MRC1: variants seen among roughly 807,000 people sequenced by gnomAD.
MRC1 encodes the protein macrophage mannose receptor 1.
A neutral mutation model predicts 102.9 loss-of-function variants in MRC1; 62 were observed. That is an observed-to-expected ratio of 0.60 (90% CI 0.49 to 0.74). MRC1 has a LOEUF of 0.74. Ranked by LOEUF, MRC1 falls within the 30% of genes least tolerant of loss-of-function variation. MRC1 has a pLI of 0.00. For missense variants in MRC1, 1,237 were observed against 862.8 expected, an observed-to-expected ratio of 1.43 and a Z score of -5.43; for synonymous variants, 457 against 298.4, an observed-to-expected ratio of 1.53 and a Z score of -5.48.
intron 25 of MRC1, among the ~76,000 whole-genome samples, chr10:17,901,575 G>A (rs994536069): frequency 6.6e-6 from 1 of 152,056 alleles, no homozygotes; most frequent in Non-Finnish European, 1.5e-5. Context: ...TGTAATCCCA[G>A]CTACTCGGGA....
chr10:17,894,141 A>G (rs1589194266), intron 22 of MRC1, 69 bp from the exon 23 acceptor site: 3 of 853,412 alleles, frequency 3.5e-6, no homozygotes, highest in Non-Finnish European at 6.2e-6. Flanking sequence ...TTTTTTGCTT[A>G]TTAATGAATT....
At chr10:17,867,399 T>TGC in intron 12 of MRC1, among the ~76,000 whole-genome samples, 1 of 128,764 alleles carries the variant, frequency 7.8e-6, no homozygotes. Context: ...CTTCTTCTCC[T>TGC]TCTTCTTCTT....
Position 17,856,278 on chromosome 10 carries a change from C to A in MRC1, c.1444C>A (p.Leu482Ile), listed in dbSNP as rs1554840893. The A allele has an allele frequency of 1.2e-6, 1 of 866,914 alleles. No individual in the cohort carries two copies. Among genetic ancestry groups the A allele is most frequent in the Non-Finnish European group, 2.0e-6 (1 of 499,392 alleles). 53.7% of individuals were successfully genotyped at this position (866,914 alleles called of 1,614,324 possible). A position where few individuals can be genotyped will look rare whatever the true frequency, so the allele number is the denominator to read the frequency against. Residue 482 changes from leucine (L) to isoleucine (I), a missense_variant, in exon 9 of 30, where the codon CTT becomes ATT. Transcript: ENST00000569591. ...YWADRGCEWP[L>I]GYICKMKSRS... ...GGCAGATCGGGGCTGTGAGTGGCCTCTTGGCTACATCTGCAAGATGAAATC... is the reference window on the plus strand; with the variant it reads ...GGCAGATCGGGGCTGTGAGTGGCCTATTGGCTACATCTGCAAGATGAAATC...
chr10:17,822,881 C>G (rs962722116), intron 1 of MRC1, among the ~76,000 whole-genome samples, 193 bp from the exon 2 acceptor site: 2 of 152,156 alleles, frequency 1.3e-5, no homozygotes, highest in Non-Finnish European at 2.9e-5. Flanking sequence ...TCCAGGTTCT[C>G]CTTCCAGCTT....
chr10:17,815,513 C>T (rs1838297095), intron 1 of MRC1, among the ~76,000 whole-genome samples: 1 of 151,980 alleles, frequency 6.6e-6, no homozygotes, highest in Admixed American at 6.6e-5. Flanking sequence ...GGTTCACAGT[C>T]CAGGACACAG....
intron 22 of MRC1, among the ~76,000 whole-genome samples, chr10:17,892,709 C>T (rs1223051850): frequency 6.6e-6 from 1 of 152,004 alleles, no homozygotes; most frequent in African/African-American, 2.4e-5. Context: ...TTGATATAGT[C>T]ACCATAAATA....
At chr10:17,861,980 A>G (rs1164628223) in intron 10 of MRC1, among the ~76,000 whole-genome samples, 2 of 152,200 alleles carry the variant, frequency 1.3e-5, no homozygotes, top group Non-Finnish European at 2.9e-5. Context: ...ACATGGACAT[A>G]GAGGAGCTTA....
At chr10:17,880,993 T>G in intron 20 of MRC1, 74 bp from the exon 21 acceptor site, 1 of 773,830 alleles carries the variant, frequency 1.3e-6, no homozygotes, top group Non-Finnish European at 2.4e-6. Context: ...TTTTGCTTTT[T>G]GTAGAGCAAA....
chr10:17,899,872 G>A (rs1448774037), intron 24 of MRC1, among the ~76,000 whole-genome samples: 4 of 152,184 alleles, frequency 2.6e-5, no homozygotes, highest in African/African-American at 9.6e-5. Flanking sequence ...GCTGAGGCAG[G>A]CAGATCACCT....
chr10:17,828,814 T>A (rs1007883338), intron 3 of MRC1, among the ~76,000 whole-genome samples: 3,003 of 151,596 alleles, frequency 0.02, 242 homozygotes, highest in African/African-American at 0.07. Flanking sequence ...CCAGAACAGA[T>A]GAATTCTTGG....
intron 1 of MRC1, among the ~76,000 whole-genome samples, chr10:17,815,527 G>C (rs1015209628): frequency 6.6e-5 from 10 of 152,316 alleles, no homozygotes; most frequent in African/African-American, 2.4e-4. Context: ...GACACAGGTA[G>C]GGCGGTCAGC....
chr10:17,866,859 C>G (rs2130669527), intron 12 of MRC1, 98 bp downstream of exon 12: 2 of 755,346 alleles, frequency 2.6e-6, no homozygotes, highest in East Asian at 2.5e-5. Flanking sequence ...CCAAAACACT[C>G]TGCCCAGACT....
chr10:17,812,295 A>G (rs1414255163), intron 1 of MRC1, among the ~76,000 whole-genome samples: 1 of 152,106 alleles, frequency 6.6e-6, no homozygotes, highest in Non-Finnish European at 1.5e-5. Context: ...GGTTATAATC[A>G]TGGTAGATGC....
chr10:17,876,531 A>C (rs1833440308), intron 17 of MRC1, among the ~76,000 whole-genome samples: 1 of 152,172 alleles, frequency 6.6e-6, no homozygotes, highest in Admixed American at 6.5e-5. Context: ...TGCAGACGTG[A>C]GCCACTGTGC....
intron 6 of MRC1, among the ~76,000 whole-genome samples, chr10:17,846,140 T>C (rs2130635490): frequency 6.6e-6 from 1 of 152,174 alleles, no homozygotes; most frequent in South Asian, 2.1e-4. Flanking sequence ...ACTCCTGACC[T>C]TGGGTGATCT....
intron 22 of MRC1, among the ~76,000 whole-genome samples, chr10:17,886,935 A>T (rs1833605782): frequency 6.6e-6 from 1 of 151,796 alleles, no homozygotes; most frequent in Non-Finnish European, 1.5e-5. Context: ...ATGCCCTGTG[A>T]TGGAGTCTGA....
intron 22 of MRC1, among the ~76,000 whole-genome samples, chr10:17,892,067 G>T (rs1833686685): frequency 1.3e-5 from 2 of 152,196 alleles, no homozygotes; most frequent in African/African-American, 4.8e-5. Flanking sequence ...TTAACGTGTG[G>T]TGAAACCGCA....
intron 8 of MRC1, among the ~76,000 whole-genome samples, chr10:17,855,455 C>T (rs1833073006): frequency 6.6e-6 from 1 of 151,228 alleles, no homozygotes; most frequent in Non-Finnish European, 1.5e-5. Flanking sequence ...CCTGTAGTCC[C>T]AGCTACTCAG....
intron 1 of MRC1, among the ~76,000 whole-genome samples, chr10:17,822,083 T>G (rs1488909422): frequency 6.6e-6 from 1 of 152,232 alleles, no homozygotes; most frequent in Non-Finnish European, 1.5e-5. Context: ...TTTTTCCTCT[T>G]TTGCAAGAGG....
Sources: gnomAD v4.1 joint callset for allele counts (sites outside exome capture counted in the v4.1 genomes callset) on GRCh38, gnomAD v4.1.1 for gene constraint, MANE v1.5 for transcripts, NCBI Gene and HGNC (gene_info 2026-07-23, HGNC 2026-07-21) for gene names.